The following SEMA3C variants were observed in gnomAD, a reference collection of about 807,000 sequenced individuals.
The protein encoded by SEMA3C is semaphorin-3C.
In SEMA3C, 47 loss-of-function variants were observed where a neutral mutation model predicts 89.4. That is an observed-to-expected ratio of 0.53 (90% CI 0.42 to 0.67). SEMA3C has a LOEUF of 0.67. Ranked by LOEUF, SEMA3C falls within the 30% of genes least tolerant of loss-of-function variation. The pLI, the probability that SEMA3C is intolerant of heterozygous loss-of-function variation, is 0.00. For synonymous variants in SEMA3C, 310 were observed against 320.2 expected, an observed-to-expected ratio of 0.97 and a Z score of 0.34; for missense variants, 839 against 929.1, an observed-to-expected ratio of 0.90 and a Z score of 1.26.
intron 2 of SEMA3C, among the ~76,000 whole-genome samples, chr7:80,848,669 C>A (rs1790443768): frequency 6.6e-6 from 1 of 152,132 alleles, no homozygotes; most frequent in African/African-American, 2.4e-5. Flanking sequence ...TACTCTGTTT[C>A]TCCAGCAAGT....
intron 12 of SEMA3C, among the ~76,000 whole-genome samples, chr7:80,770,221 T>C (rs2117071131): frequency 6.6e-6 from 1 of 152,346 alleles, no homozygotes; most frequent in East Asian, 1.9e-4. Flanking sequence ...ATTAAAATGT[T>C]AGTCATTGAG....
At chr7:80,875,651 G>A (rs553755456) in intron 2 of SEMA3C, among the ~76,000 whole-genome samples, 15 of 151,920 alleles carry the variant, frequency 9.9e-5, no homozygotes, top group African/African-American at 3.4e-4. Flanking sequence ...TGCTTTTGTC[G>A]AGCATATCCA....
intron 2 of SEMA3C, among the ~76,000 whole-genome samples, chr7:80,890,023 T>C (rs1791574808): frequency 6.6e-6 from 1 of 152,214 alleles, no homozygotes; most frequent in Admixed American, 6.5e-5. Flanking sequence ...TCAGATTAGA[T>C]GTGCATTAAG....
rs1312221007 is a variant in SEMA3C at position 80,884,947 on chromosome 7, T to TA, written c.103+31731dup. Reference sequence around the variant, plus strand: ...TTTAAAAATACAGATTAGATGCTCTTAAAAAATCTTCTAAAAATATTTGGT... The same window carrying TA: ...TTTAAAAATACAGATTAGATGCTCTTAAAAAAATCTTCTAAAAATATTTGGT... On this transcript the variant is annotated intron_variant, in intron 2 of 17. Transcript: ENST00000265361. Among the ~76,000 whole-genome samples the TA allele has an allele frequency of 2.0e-5, 3 of 152,326 alleles. No homozygotes were observed. In the East Asian group the frequency reaches 5.8e-4, roughly 29 times the overall value.
chr7:80,844,683 C>A (rs891545728), intron 2 of SEMA3C, among the ~76,000 whole-genome samples: 3 of 152,092 alleles, frequency 2.0e-5, no homozygotes, highest in African/African-American at 7.2e-5. Context: ...GAGGTCAGAT[C>A]TATCTTTCTC....
chr7:80,848,053 T>C (rs1221456461), intron 2 of SEMA3C, among the ~76,000 whole-genome samples: 1 of 152,218 alleles, frequency 6.6e-6, no homozygotes, highest in African/African-American at 2.4e-5. Context: ...TTTCCTTTGC[T>C]ATACATGCAA....
chr7:80,765,799 A>G (rs549287168), intron 12 of SEMA3C, among the ~76,000 whole-genome samples: 22 of 152,008 alleles, frequency 1.4e-4, no homozygotes, highest in African/African-American at 3.1e-4. Flanking sequence ...GGATGGTCTC[A>G]ATCTCCTGAT....
At chr7:80,760,010 G>A (rs1788148047) in intron 14 of SEMA3C, among the ~76,000 whole-genome samples, 1 of 151,966 alleles carries the variant, frequency 6.6e-6, no homozygotes, top group Non-Finnish European at 1.5e-5. Flanking sequence ...TCTGTTACAT[G>A]GAGTAAAAGA....
rs1179427222 is a variant in SEMA3C at position 80,745,247 on chromosome 7, C to A, written c.1903G>T (p.Gly635Cys). The A allele has an allele frequency of 6.2e-7, 1 of 1,613,970 alleles. No individual in the cohort carries two copies. The highest frequency in any genetic ancestry group is 2.2e-5 in the East Asian group (1 of 44,854). Residue 635 changes from glycine to cysteine, a missense_variant, in exon 18 of 18, where the codon GGT becomes TGT. Coordinates refer to ENST00000265361, the MANE Select transcript of SEMA3C (RefSeq NM_006379.5). ...CAGTGATAAAGTCCTTGGTCAGAAC[C>A]CTGAACAGAGCGGATCAGGAGTCCC... ...SQGLLIRSVQ[G>C]SDQGLYHCIA...
At chr7:80,874,766 C>A (rs1446319344) in intron 2 of SEMA3C, among the ~76,000 whole-genome samples, 1 of 151,924 alleles carries the variant, frequency 6.6e-6, no homozygotes, top group Admixed American at 6.6e-5. Flanking sequence ...GCGCGTCAGG[C>A]CCATAGCAAG....
chr7:80,757,323 G>T (rs1314309670), intron 15 of SEMA3C, among the ~76,000 whole-genome samples: 3 of 152,216 alleles, frequency 2.0e-5, no homozygotes, highest in African/African-American at 7.2e-5. Context: ...GACCTTGGTT[G>T]ACTCTGAATT....
intron 2 of SEMA3C, among the ~76,000 whole-genome samples, chr7:80,906,458 C>T (rs549525549): frequency 1.3e-5 from 2 of 152,244 alleles, no homozygotes; most frequent in South Asian, 2.1e-4. Context: ...ATTCCATCAG[C>T]ACCTGGGCTC....
intron 2 of SEMA3C, among the ~76,000 whole-genome samples, chr7:80,860,015 T>C (rs1027463673): frequency 6.6e-6 from 1 of 152,106 alleles, no homozygotes; most frequent in Non-Finnish European, 1.5e-5. Context: ...ATAATAGGCA[T>C]AAAATATAAA....
chr7:80,811,890 A>C (rs972234917), intron 5 of SEMA3C, among the ~76,000 whole-genome samples: 8 of 152,168 alleles, frequency 5.3e-5, no homozygotes, highest in African/African-American at 1.9e-4. Flanking sequence ...ATATAGTCGC[A>C]ATCAACAGAG....
chr7:80,879,079 T>C (rs1791268880), intron 2 of SEMA3C, among the ~76,000 whole-genome samples: 1 of 151,916 alleles, frequency 6.6e-6, no homozygotes. Context: ...ACCCCAATTG[T>C]AGAGGCCTGG....
rs1348884922 is a variant in SEMA3C, at chr7:80,828,567, T to A, written c.264+18A>T. 18 of 1,589,574 alleles carry A rather than the reference T, an allele frequency of 1.1e-5. No individual in the cohort carries two copies. Among genetic ancestry groups the A allele is most frequent in the Non-Finnish European group, 1.5e-5 (18 of 1,166,098 alleles). On this transcript the variant is annotated intron_variant, in intron 3 of 17. Coordinates refer to ENST00000265361, the MANE Select transcript of SEMA3C (RefSeq NM_006379.5). ...ATTGAAAAGGTGGACACTGTCCTCG[T>A]GAAAGTGATAAACTTACACTCAAAG...
chr7:80,921,488 T>C (rs1296993443), upstream of SEMA3C, among the ~76,000 whole-genome samples: 1 of 152,124 alleles, frequency 6.6e-6, no homozygotes, highest in Non-Finnish European at 1.5e-5. Flanking sequence ...TAAAACACCT[T>C]GACAAAACAA....
At chr7:80,913,057 A>C (rs1792189526) in intron 2 of SEMA3C, among the ~76,000 whole-genome samples, 1 of 152,156 alleles carries the variant, frequency 6.6e-6, no homozygotes, top group South Asian at 2.1e-4. Context: ...TGGCAGCTTT[A>C]TTACTAAAAA....
chr7:80,835,671 G>C (rs1790108602), intron 2 of SEMA3C, among the ~76,000 whole-genome samples: 1 of 152,268 alleles, frequency 6.6e-6, no homozygotes, highest in African/African-American at 2.4e-5. Flanking sequence ...AGACAATAGA[G>C]ACCAGAGGGC....
Sources: allele counts gnomAD v4.1 joint callset (sites outside exome capture counted in the v4.1 genomes callset), GRCh38; gene constraint gnomAD v4.1.1; transcripts MANE v1.5; gene names NCBI Gene and HGNC (gene_info 2026-07-23, HGNC 2026-07-21).